The following MMAA variants were observed in gnomAD, a reference collection of about 807,000 sequenced individuals.
The protein encoded by MMAA is methylmalonic aciduria type A protein, mitochondrial.
A neutral mutation model predicts 45.0 loss-of-function variants in MMAA; 41 were observed. The observed-to-expected ratio is 0.91, with a 90% CI of 0.71 to 1.18. MMAA has a LOEUF of 1.18. MMAA is among the 50% of genes most tolerant of loss of function. MMAA has a pLI of 0.00. For missense variants in MMAA, 460 were observed against 495.7 expected, an observed-to-expected ratio of 0.93 and a Z score of 0.68; for synonymous variants, 154 against 178.2, an observed-to-expected ratio of 0.86 and a Z score of 1.08.
chr4:145,626,474 C>A (rs1276423611), intron 1 of MMAA, among the ~76,000 whole-genome samples: 1 of 152,156 alleles, frequency 6.6e-6, no homozygotes, highest in East Asian at 1.9e-4. Context: ...TGTCACCTAA[C>A]ACATCGAGAT....
chr4:145,653,680 A>G (rs1185679783), intron 5 of MMAA, among the ~76,000 whole-genome samples: 1 of 152,266 alleles, frequency 6.6e-6, no homozygotes, highest in Non-Finnish European at 1.5e-5. Flanking sequence ...GCTCAGGAGA[A>G]GCACATTCCA....
chr4:145,633,922 C>G (rs142347978), intron 1 of MMAA, among the ~76,000 whole-genome samples: 2 of 152,226 alleles, frequency 1.3e-5, no homozygotes, highest in African/African-American at 4.8e-5. Context: ...CAAACAGAAT[C>G]TCTGTCTGTT....
intron 1 of MMAA, chr4:145,625,211 T>G: frequency 1.4e-6 from 2 of 1,406,180 alleles, no homozygotes; most frequent in Non-Finnish European, 1.0e-6. Flanking sequence ...GTTACACTTT[T>G]GATAACTTGG....
At chr4:145,620,475 C>A (rs993103426) in intron 1 of MMAA, among the ~76,000 whole-genome samples, 1 of 152,198 alleles carries the variant, frequency 6.6e-6, no homozygotes, top group African/African-American at 2.4e-5. Context: ...TTTTCTCCAA[C>A]ACAGGCCAAA....
Position 145,642,358 on chromosome 4 carries a change from C to A in MMAA, c.440-5C>A. ...ATTGAATTAGAAGATCTCTTTCCAC[C>A]GTAGGATTGTCTGGGCCCCCTGGTG... On this transcript the variant is annotated splice_polypyrimidine_tract_variant and splice_region_variant and intron_variant, in intron 2 of 6. Transcript: ENST00000649156. 2 of 1,613,666 alleles carry A rather than the reference C, an allele frequency of 1.2e-6. No homozygotes were observed. Among genetic ancestry groups the A allele is most frequent in the Non-Finnish European group, 1.7e-6 (2 of 1,179,908 alleles).
rs1728239602 is a variant in MMAA, at chr4:145,656,599, A to T, written c.*1165A>T. The T allele has an allele frequency of 6.6e-6, 1 of 151,836 alleles. No homozygotes were observed. Among genetic ancestry groups the T allele is most frequent in the African/African-American group, 2.4e-5 (1 of 41,166 alleles). The allele number at this position is 151,836 out of a possible 1,614,324, so 9.4% of individuals were successfully genotyped here. A position where few individuals can be genotyped will look rare whatever the true frequency, so the allele number is the denominator to read the frequency against. On this transcript the variant is annotated 3_prime_UTR_variant, in exon 7 of 7. Transcript: ENST00000649156. Reference sequence around the variant, plus strand: ...ACCATCATACTCTTGATATTTTAGGATACTTTAGGATTACCTTTGAAGAAC... The same window carrying T: ...ACCATCATACTCTTGATATTTTAGGTTACTTTAGGATTACCTTTGAAGAAC...
chr4:145,650,800 AGT>A, intron 4 of MMAA: 4 of 491,162 alleles, frequency 8.1e-6, no homozygotes, highest in Non-Finnish European at 1.5e-5. Context: ...GAGCTGTGAG[AGT>A]GAGGAGAGGA....
intron 3 of MMAA, among the ~76,000 whole-genome samples, chr4:145,643,508 T>C (rs1727843664): frequency 1.3e-5 from 2 of 152,210 alleles, no homozygotes; most frequent in African/African-American, 2.4e-5. Flanking sequence ...AATCATATTT[T>C]AGGGACTTAG....
At chr4:145,624,541 C>T in intron 1 of MMAA, 1 of 1,141,096 alleles carries the variant, frequency 8.8e-7, no homozygotes, top group Non-Finnish European at 1.3e-6. Flanking sequence ...TTCTTTATGA[C>T]TTGGAAGGAA....
chr4:145,624,981 A>G (rs772171538), intron 1 of MMAA: 1 of 1,035,892 alleles, frequency 9.7e-7, no homozygotes, highest in Non-Finnish European at 1.5e-6. Context: ...CAGTTGGTAC[A>G]GGAGTCAGTC....
At chr4:145,655,034 G>A (rs1728186096) in intron 6 of MMAA, 113 bp from the exon 7 acceptor site, 2 of 1,122,888 alleles carry the variant, frequency 1.8e-6, no homozygotes, top group African/African-American at 1.6e-5. Flanking sequence ...TCTCACTCTT[G>A]TCAATTGCCT....
intron 1 of MMAA, among the ~76,000 whole-genome samples, chr4:145,633,777 C>G (rs1727528555): frequency 6.6e-6 from 1 of 152,208 alleles, no homozygotes; most frequent in Non-Finnish European, 1.5e-5. Context: ...GTGTTCTGAT[C>G]TAAGCCATAT....
chr4:145,622,406 G>A (rs1278941318), intron 1 of MMAA, among the ~76,000 whole-genome samples: 1 of 152,072 alleles, frequency 6.6e-6, no homozygotes, highest in African/African-American at 2.4e-5. Context: ...TCTCGGGTAT[G>A]TCTTTATCAG....
At chr4:145,642,686 A>G (rs1258152329) in intron 3 of MMAA, 4 of 657,898 alleles carry the variant, frequency 6.1e-6, no homozygotes, top group Non-Finnish European at 7.9e-6. Flanking sequence ...CAGCTTGTGG[A>G]TAGCTCAGTG....
intron 1 of MMAA, chr4:145,625,786 T>A: frequency 1.7e-6 from 2 of 1,195,412 alleles, no homozygotes; most frequent in Non-Finnish European, 2.5e-6. Context: ...TGTTGAATTG[T>A]CTCCTCTTTA....
intron 2 of MMAA, among the ~76,000 whole-genome samples, chr4:145,641,309 G>A (rs1727774400): frequency 6.6e-6 from 1 of 152,206 alleles, no homozygotes. Context: ...AGATAACTTT[G>A]TAGTGCTATT....
chr4:145,637,024 T>C (rs1223031396), intron 1 of MMAA, among the ~76,000 whole-genome samples: 1 of 152,216 alleles, frequency 6.6e-6, no homozygotes, highest in African/African-American at 2.4e-5. Context: ...ACAGCAGCCA[T>C]AGGGAACTAA....
At chr4:145,623,729 A>G (rs188199613) in intron 1 of MMAA, among the ~76,000 whole-genome samples, 4 of 152,346 alleles carry the variant, frequency 2.6e-5, no homozygotes, top group African/African-American at 7.2e-5. Flanking sequence ...AGAAGCATCT[A>G]TAGGGCAATT....
At chr4:145,638,368 CAA>C (rs200582615) in intron 1 of MMAA, among the ~76,000 whole-genome samples, 1 of 147,000 alleles carries the variant, frequency 6.8e-6, no homozygotes, top group African/African-American at 2.5e-5. Flanking sequence ...GACTCCGTCT[CAA>C]AAAAAAAAGA....
Sources: allele counts gnomAD v4.1 joint callset (sites outside exome capture counted in the v4.1 genomes callset), GRCh38; gene constraint gnomAD v4.1.1; transcripts MANE v1.5; gene names NCBI Gene and HGNC (gene_info 2026-07-23, HGNC 2026-07-21).